RAPGEF4: variants seen among roughly 807,000 people sequenced by gnomAD.
The protein encoded by RAPGEF4 is Rap guanine nucleotide exchange factor 4.
RAPGEF4 carries 66 observed loss-of-function variants against 147.9 expected under a neutral mutation model. The ratio of observed to expected loss-of-function variants is 0.45; its 90% CI spans 0.37 to 0.55. The LOEUF (loss-of-function observed/expected upper bound fraction) is 0.55. Ranked by LOEUF, RAPGEF4 falls within the 20% of genes least tolerant of loss-of-function variation. RAPGEF4 has a pLI of 0.00. For synonymous variants in RAPGEF4, 419 were observed against 442.7 expected, an observed-to-expected ratio of 0.95 and a Z score of 0.67; for missense variants, 1,071 against 1,257.3, an observed-to-expected ratio of 0.85 and a Z score of 2.24.
intron 15 of RAPGEF4, among the ~76,000 whole-genome samples, chr2:172,991,929 T>C (rs948334013): frequency 1.3e-4 from 20 of 152,172 alleles, no homozygotes; most frequent in African/African-American, 4.1e-4. Context: ...ATTTTGCAGA[T>C]TTTATAGGAT....
At chr2:172,753,115 T>A (rs1418148742) in intron 1 of RAPGEF4, among the ~76,000 whole-genome samples, 1 of 152,260 alleles carries the variant, frequency 6.6e-6, no homozygotes, top group East Asian at 1.9e-4. Flanking sequence ...GCAATGAAAC[T>A]GCTTCTCGGA....
chr2:172,761,889 C>T lies in RAPGEF4; in HGVS notation c.65+25841C>T, dbSNP rs572246550. ...CTGTAATCCCAGCACTTTGGGAGGC[C>T]GAGGTAGGTGGATCACGAGGTCAGG... On this transcript the variant is annotated intron_variant, in intron 1 of 30. Coordinates refer to ENST00000397081, the MANE Select transcript of RAPGEF4 (RefSeq NM_007023.4). Among the ~76,000 whole-genome samples, 4 of 151,932 alleles carry T rather than the reference C, an allele frequency of 2.6e-5. No homozygotes were observed. In the South Asian group the frequency reaches 8.3e-4, roughly 32 times the overall value.
intron 3 of RAPGEF4, among the ~76,000 whole-genome samples, chr2:172,802,929 C>T (rs1030166348): frequency 2.6e-5 from 4 of 152,216 alleles, no homozygotes; most frequent in African/African-American, 9.6e-5. Flanking sequence ...AAATGATCTC[C>T]TTTGACTCTA....
At position 172,977,139 on chromosome 2, in the gene RAPGEF4, C is replaced by G. The variant is rs181430972; in HGVS notation, c.1005-6357C>G. On this transcript the variant is annotated intron_variant, in intron 10 of 30. Transcript: ENST00000397081. ...CACTTCCCCAGCCTTGTAGGTTACT[C>G]TTATGAAGGTGCATGGGAGTTCTCT... is the stretch of plus-strand genomic sequence containing the variant. Among the ~76,000 whole-genome samples, 36 of 152,310 alleles carry G rather than the reference C, an allele frequency of 2.4e-4. No homozygotes were observed. In the East Asian group the frequency reaches 6.4e-3, roughly 27 times the overall value.
chr2:172,985,872 C>T (rs1285485711), intron 12 of RAPGEF4, among the ~76,000 whole-genome samples: 6 of 152,210 alleles, frequency 3.9e-5, no homozygotes, highest in African/African-American at 1.2e-4. Flanking sequence ...ACTAATCGAT[C>T]TCTTGAGGTT....
chr2:172,887,542 C>T (rs1380637966), intron 4 of RAPGEF4, among the ~76,000 whole-genome samples: 2 of 152,172 alleles, frequency 1.3e-5, no homozygotes, highest in Admixed American at 6.5e-5. Flanking sequence ...TTTATTGGAA[C>T]ACAGCCACAC....
chr2:172,865,211 A>T (rs996733918), intron 4 of RAPGEF4, among the ~76,000 whole-genome samples: 6 of 152,072 alleles, frequency 3.9e-5, no homozygotes, highest in Admixed American at 3.9e-4. Flanking sequence ...CTCCTAATGC[A>T]TTTCTACCCT....
At chr2:172,869,549 G>A (rs569803553) in intron 4 of RAPGEF4, among the ~76,000 whole-genome samples, 2 of 152,294 alleles carry the variant, frequency 1.3e-5, no homozygotes, top group South Asian at 4.1e-4. Flanking sequence ...TTTCACCCAT[G>A]TAGCTGTGTA....
At chr2:172,872,674 C>T (rs1695375038) in intron 4 of RAPGEF4, among the ~76,000 whole-genome samples, 1 of 152,092 alleles carries the variant, frequency 6.6e-6, no homozygotes, top group African/African-American at 2.4e-5. Flanking sequence ...CCCTCTCTCT[C>T]TTTCCTGCTC....
chr2:172,760,403 A>G (rs1285176056), intron 1 of RAPGEF4, among the ~76,000 whole-genome samples: 1 of 152,250 alleles, frequency 6.6e-6, no homozygotes, highest in Non-Finnish European at 1.5e-5. Flanking sequence ...TTAGAACTGA[A>G]AAATACAACA....
intron 6 of RAPGEF4, among the ~76,000 whole-genome samples, chr2:172,938,656 T>C (rs1420239880): frequency 2.6e-5 from 4 of 152,214 alleles, no homozygotes; most frequent in African/African-American, 9.6e-5. Context: ...ATGCATTCCA[T>C]CCTGGGATAC....
chr2:172,824,728 T>A (rs1689479738), intron 4 of RAPGEF4, among the ~76,000 whole-genome samples: 2 of 152,186 alleles, frequency 1.3e-5, no homozygotes, highest in African/African-American at 4.8e-5. Context: ...GTCTGAGCAA[T>A]GGTGTCTTTC....
At chr2:172,900,103 C>G (rs754381133) in intron 4 of RAPGEF4, among the ~76,000 whole-genome samples, 4 of 152,172 alleles carry the variant, frequency 2.6e-5, no homozygotes, top group Non-Finnish European at 5.9e-5. Flanking sequence ...ACTCGAGAGG[C>G]AGAGGCAGAA....
intron 17 of RAPGEF4, among the ~76,000 whole-genome samples, chr2:173,003,346 G>A (rs1359798376): frequency 6.6e-6 from 1 of 152,172 alleles, no homozygotes; most frequent in African/African-American, 2.4e-5. Flanking sequence ...GAGCTGTGAC[G>A]TCAAATCTGA....
chr2:172,744,686 C>CATA (rs1441071951), intron 1 of RAPGEF4, among the ~76,000 whole-genome samples: 1 of 151,964 alleles, frequency 6.6e-6, no homozygotes, highest in African/African-American at 2.4e-5. Flanking sequence ...ATTTTTCTTG[C>CATA]CTTATTGCAT....
At chr2:172,986,529 T>A (rs138152934) in intron 12 of RAPGEF4, among the ~76,000 whole-genome samples, 130 of 152,350 alleles carry the variant, frequency 8.5e-4, no homozygotes, top group African/African-American at 3.0e-3. Context: ...ATCTTAATGG[T>A]TGCTAATGAC....
intron 23 of RAPGEF4, among the ~76,000 whole-genome samples, chr2:173,024,654 A>G (rs1284257510): frequency 1.3e-5 from 2 of 152,158 alleles, no homozygotes; most frequent in African/African-American, 2.4e-5. Flanking sequence ...CATGACCCCA[A>G]TTTACCAGAG....
chr2:172,821,578 G>T (rs1305412224), intron 4 of RAPGEF4: 16 of 990,260 alleles, frequency 1.6e-5, no homozygotes, highest in Non-Finnish European at 1.9e-5. Flanking sequence ...TCTCCTCACA[G>T]TTCTGATTCT....
chr2:172,862,766 C>T (rs1325333016), intron 4 of RAPGEF4, among the ~76,000 whole-genome samples: 1 of 152,178 alleles, frequency 6.6e-6, no homozygotes, highest in Non-Finnish European at 1.5e-5. Flanking sequence ...TACCTAATCT[C>T]TTGGGAGAGG....
Sources: gnomAD v4.1 joint callset for allele counts (sites outside exome capture counted in the v4.1 genomes callset) on GRCh38, gnomAD v4.1.1 for gene constraint, MANE v1.5 for transcripts, NCBI Gene and HGNC (gene_info 2026-07-23, HGNC 2026-07-21) for gene names.